CNTN1: variants seen among roughly 807,000 people sequenced by gnomAD.
CNTN1 encodes the protein contactin 1.
In CNTN1, 38 loss-of-function variants were observed where a neutral mutation model predicts 126.4. The ratio of observed to expected loss-of-function variants is 0.30; its 90% CI spans 0.23 to 0.39. The LOEUF (loss-of-function observed/expected upper bound fraction) is 0.39, where lower values mean the gene tolerates loss of function less well. Among genes scored for constraint, CNTN1 ranks in the 10% least tolerant of loss-of-function variants. The pLI, the probability that CNTN1 is intolerant of heterozygous loss-of-function variation, is 1.00. For synonymous variants in CNTN1, 413 were observed against 422.6 expected (o/e 0.98, Z 0.28); for missense variants, 1,009 against 1,248.4 (o/e 0.81, Z 2.89).
intron 1 of CNTN1, among the ~76,000 whole-genome samples, chr12:40,769,604 TAC>T (rs1454891208): frequency 1.3e-5 from 2 of 152,216 alleles, no homozygotes; most frequent in African/African-American, 2.4e-5. Flanking sequence ...TTTAGTTAGA[TAC>T]AGTGCATAGG....
chr12:41,046,875 A>ATTTTTT (rs1949552764), intron 23 of CNTN1, among the ~76,000 whole-genome samples: 1 of 108,654 alleles, frequency 9.2e-6, no homozygotes, highest in African/African-American at 3.7e-5. Context: ...TTTGTCCTTC[A>ATTTTTT]TTCATCCTCA....
At chr12:40,739,322 A>G (rs1055769743) in intron 1 of CNTN1, among the ~76,000 whole-genome samples, 1 of 152,132 alleles carries the variant, frequency 6.6e-6, no homozygotes, top group African/African-American at 2.4e-5. Context: ...TTGCAGAATG[A>G]AACATATTGT....
intron 1 of CNTN1, among the ~76,000 whole-genome samples, chr12:40,787,490 G>T (rs1214630699): frequency 6.6e-6 from 1 of 152,066 alleles, no homozygotes; most frequent in Non-Finnish European, 1.5e-5. Flanking sequence ...ATAACTTCTA[G>T]TTCCTCATCA....
At chr12:40,897,932 A>G (rs1413910749) in intron 1 of CNTN1, among the ~76,000 whole-genome samples, 2 of 152,250 alleles carry the variant, frequency 1.3e-5, no homozygotes, top group East Asian at 3.8e-4. Flanking sequence ...TTAAGGTGCC[A>G]TGATTTTAAC....
At position 40,693,675 on chromosome 12, in the gene CNTN1, C is replaced by T. The variant is rs190386922; in HGVS notation, c.-77+1083C>T. Among the ~76,000 whole-genome samples the T allele has an allele frequency of 1.7e-3, 262 of 152,260 alleles. 3 individuals carry two copies. Among genetic ancestry groups the T allele is most frequent in the Non-Finnish European group, 4.1e-4 (28 of 68,026 alleles). ...ATTCGTACGTGTGCTTGTGTGTGCA[C>T]ATCTCCAAGGTGGAGCTATATATAG... On this transcript the variant is annotated intron_variant, in intron 1 of 23. Transcript: ENST00000551295.
chr12:40,872,727 C>T (rs989232918), intron 1 of CNTN1, among the ~76,000 whole-genome samples: 3 of 151,790 alleles, frequency 2.0e-5, no homozygotes, highest in South Asian at 2.1e-4. Context: ...CACACCACCA[C>T]GCCCAGATAA....
chr12:40,961,800 G>A (rs1352520267), intron 15 of CNTN1, among the ~76,000 whole-genome samples: 1 of 152,062 alleles, frequency 6.6e-6, no homozygotes, highest in Non-Finnish European at 1.5e-5. Flanking sequence ...TACATTTCAT[G>A]TAGTTAAATC....
chr12:40,694,834 T>G (rs1432645939), intron 1 of CNTN1, among the ~76,000 whole-genome samples: 2 of 152,206 alleles, frequency 1.3e-5, no homozygotes, highest in African/African-American at 4.8e-5. Context: ...AAAAGGAATT[T>G]TATAGCATTG....
At chr12:41,002,779 G>C (rs536731206) in intron 17 of CNTN1, among the ~76,000 whole-genome samples, 1 of 151,806 alleles carries the variant, frequency 6.6e-6, no homozygotes, top group Admixed American at 6.6e-5. Flanking sequence ...GTGTGGTCTC[G>C]ATCTCCTGAC....
At chr12:40,981,101 T>G in intron 16 of CNTN1, 34 bp downstream of exon 16, 1 of 1,608,352 alleles carries the variant, frequency 6.2e-7, no homozygotes, top group Non-Finnish European at 8.5e-7. Context: ...TCCGTGCATG[T>G]TTTCAAAGTG....
chr12:40,754,234 C>T (rs1584099), intron 1 of CNTN1, among the ~76,000 whole-genome samples: 150,083 of 152,204 alleles, frequency 0.99, 74,018 homozygotes, highest in Middle Eastern at 1. Context: ...AGGCTAAATA[C>T]CTTTCATATA....
intron 18 of CNTN1, 62 bp from the exon 19 acceptor site, chr12:41,016,620 T>C (rs1360374857): frequency 4.8e-6 from 5 of 1,035,094 alleles, no homozygotes; most frequent in Non-Finnish European, 7.6e-6. Context: ...ATTATCCCCA[T>C]AGCATTTCCT....
chr12:40,777,909 C>T (rs1432862021), intron 1 of CNTN1, among the ~76,000 whole-genome samples: 2 of 151,784 alleles, frequency 1.3e-5, no homozygotes, highest in Non-Finnish European at 2.9e-5. Flanking sequence ...TAAGCAACTT[C>T]AAATTTACCT....
chr12:40,700,038 C>A (rs931274311), intron 1 of CNTN1, among the ~76,000 whole-genome samples: 7 of 152,092 alleles, frequency 4.6e-5, no homozygotes, highest in Non-Finnish European at 8.8e-5. Flanking sequence ...TGAGAAGAAA[C>A]CAGCTGACAG....
chr12:40,893,605 A>G (rs1292272047), intron 1 of CNTN1, among the ~76,000 whole-genome samples: 3 of 152,154 alleles, frequency 2.0e-5, no homozygotes, highest in Non-Finnish European at 4.4e-5. Context: ...ACAGCTCCCA[A>G]TAGATACAGC....
intron 6 of CNTN1, among the ~76,000 whole-genome samples, chr12:40,929,038 C>G (rs1945790973): frequency 6.6e-6 from 1 of 151,762 alleles, no homozygotes; most frequent in Non-Finnish European, 1.5e-5. Context: ...TATGCATTGC[C>G]CATTGTCTCC....
At chr12:40,996,631 G>A (rs1233082110) in intron 17 of CNTN1, among the ~76,000 whole-genome samples, 1 of 152,022 alleles carries the variant, frequency 6.6e-6, no homozygotes, top group Non-Finnish European at 1.5e-5. Context: ...ACTTTGTAAT[G>A]GATTACCCAT....
At chr12:40,794,546 T>C (rs917909791) in intron 1 of CNTN1, among the ~76,000 whole-genome samples, 1 of 151,952 alleles carries the variant, frequency 6.6e-6, no homozygotes, top group African/African-American at 2.4e-5. Flanking sequence ...CTAAATGATA[T>C]ATTGCCAAAA....
At chr12:40,846,434 C>T (rs1181720851) in intron 1 of CNTN1, among the ~76,000 whole-genome samples, 1 of 152,204 alleles carries the variant, frequency 6.6e-6, no homozygotes, top group African/African-American at 2.4e-5. Flanking sequence ...CGCCACTGCA[C>T]TCCAGCCTGG....
Sources: gnomAD v4.1 joint callset for allele counts (sites outside exome capture counted in the v4.1 genomes callset) on GRCh38, gnomAD v4.1.1 for gene constraint, MANE v1.5 for transcripts, NCBI Gene and HGNC (gene_info 2026-07-23, HGNC 2026-07-21) for gene names.